PRKDC: variants seen among roughly 807,000 people sequenced by gnomAD.
PRKDC encodes DNA-dependent protein kinase catalytic subunit.
Under a neutral mutation model 486.9 loss-of-function variants are expected in PRKDC, and 82 were observed. The ratio of observed to expected loss-of-function variants is 0.17; its 90% CI spans 0.14 to 0.20. PRKDC has a LOEUF of 0.20. Ranked by LOEUF, PRKDC falls within the 10% of genes least tolerant of loss-of-function variation. PRKDC has a pLI of 1.00. For missense variants in PRKDC, 4,504 were observed against 5,038.2 expected (o/e 0.89, Z 3.21); for synonymous variants, 1,895 against 1,837.0 (o/e 1.03, Z -0.81).
chr8:47,928,655 C>A (rs979349247), intron 19 of PRKDC, among the ~76,000 whole-genome samples: 6 of 151,780 alleles, frequency 4.0e-5, no homozygotes, highest in African/African-American at 1.5e-4. Flanking sequence ...CGGGTTCAAG[C>A]GATTCTCCTC....
chr8:47,876,020 A>G (rs1472130413), intron 40 of PRKDC, among the ~76,000 whole-genome samples: 11 of 152,260 alleles, frequency 7.2e-5, no homozygotes, highest in Non-Finnish European at 7.3e-5. Flanking sequence ...CACATATTGT[A>G]TGATTCCACT....
In PRKDC at chr8:47,930,057, C is replaced by G. The variant is rs1281833254; in HGVS notation, c.1893-45G>C. The G allele has an allele frequency of 2.0e-6, 3 of 1,530,044 alleles. No homozygotes were observed. In the African/African-American group the frequency reaches 4.2e-5, roughly 21 times the overall value. 94.8% of individuals were successfully genotyped at this position (1,530,044 alleles called of 1,614,324 possible). On this transcript the variant is annotated intron_variant, in intron 17 of 85. Coordinates refer to ENST00000314191, the MANE Select transcript of PRKDC (RefSeq NM_006904.7). ...ATTGAAGGTAGAAATTTGTATCATTCTGATCTTAAAATTGTAAGGGACATA... is the reference window on the plus strand; with the variant it reads ...ATTGAAGGTAGAAATTTGTATCATTGTGATCTTAAAATTGTAAGGGACATA...
chr8:47,888,483 C>A (rs1449348035), intron 34 of PRKDC, 35 bp downstream of exon 34: 7 of 1,466,250 alleles, frequency 4.8e-6, no homozygotes, highest in Non-Finnish European at 6.4e-6. Flanking sequence ...CATACTAAAG[C>A]TAAAATAAAT....
intron 54 of PRKDC, among the ~76,000 whole-genome samples, chr8:47,847,874 AAT>A (rs34432546): frequency 0.22 from 32,794 of 145,970 alleles, 4,063 homozygotes; most frequent in African/African-American, 0.34. Flanking sequence ...GCGGCCAACA[AAT>A]ATATATATAT....
rs1238612162 is a variant in PRKDC at position 47,807,281 on chromosome 8, T to C, written c.9603A>G (p.Pro3201=). ...GATCCACATTCATACTATTATCTTC[T>C]GGAAGAGGGGTAAGCTTCTCCTCTA... ...SKIEEKLTPL[P]EDNSMNVDQD... The change falls in exon 69 of 86, where the codon CCA becomes CCG. Residue 3201 remains proline (P), a synonymous_variant. Coordinates refer to ENST00000314191, the MANE Select transcript of PRKDC (RefSeq NM_006904.7). 27 of 1,607,474 alleles carry C rather than the reference T, an allele frequency of 1.7e-5. No individual in the cohort carries two copies. The highest frequency in any genetic ancestry group is 2.0e-5 in the Non-Finnish European group (24 of 1,176,474).
chr8:47,803,314 G>A lies in PRKDC; in HGVS notation c.9914C>T (p.Ser3305Phe), dbSNP rs768001446. The change falls in exon 70 of 86, where the codon TCT (serine) becomes TTT (phenylalanine). Residue 3305 changes from serine (S) to phenylalanine (F), a missense_variant. Around this residue, in one of 6 missense-constraint regions of PRKDC, gnomAD observed 1,592 missense variants for 1,724.6 expected, o/e 0.92. Coordinates refer to ENST00000314191, the MANE Select transcript of PRKDC (RefSeq NM_006904.7). ...EQVLTVLKTV[S>F]LLDENNVSSY... Reference sequence around the variant, plus strand: ...AAAAGCGGTCAACTTACCCAACAAAGAGACTGTTTTCAGCACAGTGAGCAC... The same window carrying A: ...AAAAGCGGTCAACTTACCCAACAAAAAGACTGTTTTCAGCACAGTGAGCAC... The A allele has an allele frequency of 1.2e-6, 2 of 1,607,286 alleles. No homozygotes were observed. Among genetic ancestry groups the A allele is most frequent in the South Asian group, 2.2e-5 (2 of 90,204 alleles).
chr8:47,801,986 A>G (rs1168841651), intron 70 of PRKDC, among the ~76,000 whole-genome samples: 2 of 152,222 alleles, frequency 1.3e-5, no homozygotes, highest in African/African-American at 4.8e-5. Context: ...GGATACTAAT[A>G]TTAACATCAG....
chr8:47,937,183 C>T (rs11775935), intron 11 of PRKDC, among the ~76,000 whole-genome samples: 70,906 of 151,544 alleles, frequency 0.47, 19,654 homozygotes, highest in East Asian at 0.67. Context: ...ATCACTTGAA[C>T]CCAGGAAGCG....
At chr8:47,863,687 C>A in intron 41 of PRKDC, 110 bp from the exon 42 acceptor site, 1 of 932,064 alleles carries the variant, frequency 1.1e-6, no homozygotes, top group Non-Finnish European at 1.6e-6. Context: ...AGAATTTTAA[C>A]AGTCAAAAAT....
intron 68 of PRKDC, among the ~76,000 whole-genome samples, chr8:47,813,612 G>T (rs951081246): frequency 1.3e-5 from 2 of 151,210 alleles, no homozygotes; most frequent in African/African-American, 2.4e-5. Context: ...TTTTGCTCTT[G>T]TTGCCCAGGC....
chr8:47,782,485 G>A lies in PRKDC; in HGVS notation c.11289C>T (p.Arg3763=), dbSNP rs373633173. ...KGGEDLRQDQ[R]VEQLFQVMNG... Reference sequence around the variant, plus strand: ...TCATGACCTGGAAGAGCTGCTCCACGCGCTGGTCCTGCCGCAGGTCCTCGC... The same window carrying A: ...TCATGACCTGGAAGAGCTGCTCCACACGCTGGTCCTGCCGCAGGTCCTCGC... The change falls in exon 79 of 86, where the codon CGC becomes CGT. Residue 3763 remains arginine (R), a synonymous_variant. Coordinates refer to ENST00000314191, the MANE Select transcript of PRKDC (RefSeq NM_006904.7). The surrounding 1 kb of genome is among the most constrained non-coding windows in gnomAD (Gnocchi z 4.9). The A allele has an allele frequency of 2.2e-5, 35 of 1,582,476 alleles. No homozygotes were observed. The highest frequency in any genetic ancestry group is 2.8e-5 in the Non-Finnish European group (33 of 1,164,980).
At chr8:47,891,398 T>G (rs1459262463) in intron 31 of PRKDC, among the ~76,000 whole-genome samples, 1 of 152,202 alleles carries the variant, frequency 6.6e-6, no homozygotes, top group Non-Finnish European at 1.5e-5. Context: ...TATTTTGATG[T>G]ATTCCAAGAA....
chr8:47,900,235 G>T, intron 28 of PRKDC, 138 bp downstream of exon 28: 1 of 492,132 alleles, frequency 2.0e-6, no homozygotes. Flanking sequence ...GCACTGAAGG[G>T]GATTCTCTTC....
rs1003050189 is a variant in PRKDC at position 47,773,842 on chromosome 8, G to A, written c.*331C>T. 20 of 254,260 alleles carry A rather than the reference G, an allele frequency of 7.9e-5. No individual in the cohort carries two copies. Among genetic ancestry groups the A allele is most frequent in the Non-Finnish European group, 1.1e-4 (15 of 132,000 alleles). 15.8% of individuals were successfully genotyped at this position (254,260 alleles called of 1,614,324 possible). A position where few individuals can be genotyped will look rare whatever the true frequency, so the allele number is the denominator to read the frequency against. On this transcript the variant is annotated 3_prime_UTR_variant, in exon 86 of 86. Transcript: ENST00000314191. ...GCTTCCCCACATTTCCTCCATTTAC[G>A]GAGACAGCTGTTTCACTAACTTGCA...
rs899365113 is a variant in PRKDC at position 47,773,428 on chromosome 8, G to A, written c.*745C>T. The A allele has an allele frequency of 3.2e-5, 7 of 215,466 alleles. No individual in the cohort carries two copies. The highest frequency in any genetic ancestry group is 1.6e-4 in the African/African-American group (7 of 44,374). The allele number at this position is 215,466 out of a possible 1,614,324, so 13.3% of individuals were successfully genotyped here. The stretch of plus-strand genomic sequence containing the variant: ...TAGTACTATCCCTAACAACAACCAT[G>A]GGATTTTTGAAGTTATCCCAAATTC... On this transcript the variant is annotated 3_prime_UTR_variant, in exon 86 of 86. Transcript: ENST00000314191.
At chr8:47,874,294 C>A (rs1225194558) in intron 40 of PRKDC, among the ~76,000 whole-genome samples, 1 of 152,042 alleles carries the variant, frequency 6.6e-6, no homozygotes, top group Non-Finnish European at 1.5e-5. Context: ...TGGATTATTT[C>A]TCATGCAAAG....
chr8:47,945,499 ATT>A (rs2154504242), intron 7 of PRKDC, among the ~76,000 whole-genome samples: 1 of 152,266 alleles, frequency 6.6e-6, no homozygotes, highest in East Asian at 1.9e-4. Flanking sequence ...GAAACCACAC[ATT>A]GTTTGCCTTT....
Position 47,782,633 on chromosome 8 carries a change from C to A in PRKDC, c.11176-35G>T. ...TCAGAATGTCATCTCAGGGCACAGG[C>A]TAGCCACGTGTCAAACTCAGAGGGA... On this transcript the variant is annotated intron_variant, in intron 78 of 85. Coordinates refer to ENST00000314191, the MANE Select transcript of PRKDC (RefSeq NM_006904.7). The surrounding 1 kb of genome is among the most constrained non-coding windows in gnomAD (Gnocchi z 4.9). 6.5e-7 allele frequency: 1 copy of A among 1,542,906 alleles called. No homozygotes were observed. The highest frequency in any genetic ancestry group is 1.2e-5 in the South Asian group (1 of 83,932).
At chr8:47,893,501 A>G in intron 30 of PRKDC, 114 bp from the exon 31 acceptor site, 1 of 1,122,990 alleles carries the variant, frequency 8.9e-7, no homozygotes, top group East Asian at 2.9e-5. Flanking sequence ...TTTACTACGC[A>G]TTCAACTTGT....
Sources: allele counts gnomAD v4.1 joint callset (sites outside exome capture counted in the v4.1 genomes callset), GRCh38; gene constraint gnomAD v4.1.1; regional missense constraint gnomAD v4.1.1; non-coding constraint Gnocchi (gnomAD v3.1); transcripts MANE v1.5; gene names NCBI Gene and HGNC (gene_info 2026-07-23, HGNC 2026-07-21).